The following FOXP2 variants were observed in gnomAD, a reference collection of about 807,000 sequenced individuals.
FOXP2 encodes forkhead box P2.
A neutral mutation model predicts 115.8 loss-of-function variants in FOXP2; 12 were observed. The ratio of observed to expected loss-of-function variants is 0.10; its 90% CI spans 0.07 to 0.17. The LOEUF is 0.17. Among genes scored for constraint, FOXP2 ranks in the 10% least tolerant of loss-of-function variants. The pLI, the probability that FOXP2 is intolerant of heterozygous loss-of-function variation, is 1.00. For missense variants in FOXP2, 629 were observed against 843.5 expected (o/e 0.75, Z 3.15); for synonymous variants, 328 against 297.7 (o/e 1.10, Z -1.05).
chr7:114,204,472 C>T (rs914793672), intron 1 of FOXP2, among the ~76,000 whole-genome samples: 4 of 152,138 alleles, frequency 2.6e-5, no homozygotes, highest in African/African-American at 9.7e-5. Flanking sequence ...AGGGGTTTAA[C>T]TCACAGCTCT....
At chr7:114,094,928 C>T (rs1799612544) in intron 1 of FOXP2, among the ~76,000 whole-genome samples, 1 of 152,194 alleles carries the variant, frequency 6.6e-6, no homozygotes, top group African/African-American at 2.4e-5. Flanking sequence ...TCCCTTGCCC[C>T]TTAAATGCCC....
intron 1 of FOXP2, among the ~76,000 whole-genome samples, chr7:114,121,025 G>A (rs1201279315): frequency 6.6e-6 from 1 of 152,014 alleles, no homozygotes; most frequent in South Asian, 2.1e-4. Flanking sequence ...AGGAGGTGAA[G>A]CATATTTGGG....
chr7:114,134,403 T>A (rs1182697799), intron 1 of FOXP2, among the ~76,000 whole-genome samples: 2 of 152,228 alleles, frequency 1.3e-5, no homozygotes, highest in Non-Finnish European at 2.9e-5. Flanking sequence ...TGGCTTTCAA[T>A]GAATCTTCAC....
upstream of FOXP2, among the ~76,000 whole-genome samples, chr7:114,161,117 AG>A (rs1209167151): frequency 5.9e-5 from 9 of 152,202 alleles, no homozygotes; most frequent in Admixed American, 4.6e-4. Context: ...TGGAAACTAA[AG>A]CAGAACTACT....
chr7:114,094,600 C>T (rs889447908), intron 1 of FOXP2, among the ~76,000 whole-genome samples: 2 of 152,146 alleles, frequency 1.3e-5, no homozygotes, highest in African/African-American at 4.8e-5. Flanking sequence ...CCTTGGGAAA[C>T]TGAAGCCAGG....
intron 2 of FOXP2, among the ~76,000 whole-genome samples, chr7:114,461,312 A>G (rs1284199796): frequency 6.6e-6 from 1 of 152,138 alleles, no homozygotes; most frequent in African/African-American, 2.4e-5. Context: ...TGGTTGTCTG[A>G]TCACATAAGA....
chr7:114,531,179 C>A (rs1319775698), intron 2 of FOXP2, among the ~76,000 whole-genome samples: 1 of 151,724 alleles, frequency 6.6e-6, no homozygotes, highest in Non-Finnish European at 1.5e-5. Context: ...TTGTAAACAA[C>A]TTTTGCTTTT....
chr7:114,433,087 G>A (rs755678666), intron 2 of FOXP2, among the ~76,000 whole-genome samples: 1 of 151,980 alleles, frequency 6.6e-6, no homozygotes, highest in East Asian at 1.9e-4. Context: ...TTTCATGCCT[G>A]ATCTGCTTTG....
chr7:114,095,086 A>G (rs1799616762), intron 1 of FOXP2, among the ~76,000 whole-genome samples: 1 of 152,204 alleles, frequency 6.6e-6, no homozygotes, highest in Non-Finnish European at 1.5e-5. Flanking sequence ...TGTGAAAAGT[A>G]TCTAGTTATT....
chr7:114,310,840 A>C (rs1210402108), intron 2 of FOXP2, among the ~76,000 whole-genome samples: 2 of 152,276 alleles, frequency 1.3e-5, no homozygotes, highest in East Asian at 1.9e-4. Context: ...TTTATTAAAA[A>C]GCTCTCTAGC....
At chr7:114,350,858 C>T (rs1791468966) in intron 2 of FOXP2, among the ~76,000 whole-genome samples, 1 of 152,130 alleles carries the variant, frequency 6.6e-6, no homozygotes. Flanking sequence ...CCTCACATCC[C>T]TGCAAATACC....
chr7:114,157,952 C>A (rs1792712269), intron 1 of FOXP2, among the ~76,000 whole-genome samples: 1 of 151,874 alleles, frequency 6.6e-6, no homozygotes, highest in African/African-American at 2.4e-5. Context: ...ACTTAGTATT[C>A]TTTGGTATAT....
chr7:114,435,752 T>C (rs1289886295), intron 2 of FOXP2, among the ~76,000 whole-genome samples: 4 of 152,158 alleles, frequency 2.6e-5, no homozygotes, highest in Admixed American at 1.3e-4. Context: ...TTGGCCAGGC[T>C]TGTCTCGAGC....
At position 114,526,172 on chromosome 7, in the gene FOXP2, T is replaced by TAAAAAAA. The variant is rs3028251; in HGVS notation, c.169-8428_169-8422dup. Among the ~76,000 whole-genome samples the TAAAAAAA allele has an allele frequency of 9.8e-3, 785 of 79,702 alleles. 27 individuals are homozygous for TAAAAAAA. The highest frequency in any genetic ancestry group is 0.038 in the African/African-American group (724 of 18,876). 52.3% of individuals were successfully genotyped at this position (79,702 alleles called of 152,430 possible). On this transcript the variant is annotated intron_variant, in intron 2 of 16. Transcript: ENST00000350908. ...TAAGCTCATTATTATGTTTCTTTATTAAAAAAAAAAAAAAAAAAAAAAAGG... is the reference window on the plus strand; with the variant it reads ...TAAGCTCATTATTATGTTTCTTTATTAAAAAAAAAAAAAAAAAAAAAAAAAAAAAAGG...
At chr7:114,687,994 A>T (rs187525908) in intron 16 of FOXP2, among the ~76,000 whole-genome samples, 25 of 152,182 alleles carry the variant, frequency 1.6e-4, no homozygotes, top group Admixed American at 1.4e-3. Flanking sequence ...ACACATATAT[A>T]CATACATATA....
intron 3 of FOXP2, among the ~76,000 whole-genome samples, chr7:114,577,162 G>C (rs1801616688): frequency 6.6e-6 from 1 of 151,840 alleles, no homozygotes; most frequent in Non-Finnish European, 1.5e-5. Context: ...ATGCAGTACT[G>C]TATTTACTTA....
At chr7:114,663,338 G>A in intron 14 of FOXP2, 112 bp from the exon 15 acceptor site, 1 of 755,516 alleles carries the variant, frequency 1.3e-6, no homozygotes, top group African/African-American at 1.8e-5. Context: ...TATACATCCA[G>A]TATGGACTAT....
chr7:114,457,868 A>T (rs980441976), intron 2 of FOXP2, among the ~76,000 whole-genome samples: 1 of 150,154 alleles, frequency 6.7e-6, no homozygotes, highest in African/African-American at 2.5e-5. Flanking sequence ...ACTGTACTCC[A>T]GCTGGGCGAC....
chr7:114,672,761 C>G (rs1198741981), intron 16 of FOXP2, among the ~76,000 whole-genome samples: 2 of 152,064 alleles, frequency 1.3e-5, no homozygotes, highest in African/African-American at 4.8e-5. Context: ...ATTAGGCAGA[C>G]CTAGTGACAT....
Sources: allele counts gnomAD v4.1 joint callset (sites outside exome capture counted in the v4.1 genomes callset), GRCh38; gene constraint gnomAD v4.1.1; transcripts MANE v1.5; gene names NCBI Gene and HGNC (gene_info 2026-07-23, HGNC 2026-07-21).